CNTNAP5: variants seen among roughly 807,000 people sequenced by gnomAD.
The protein encoded by CNTNAP5 is contactin-associated protein-like 5.
CNTNAP5 carries 72 observed loss-of-function variants against 150.2 expected under a neutral mutation model. The ratio of observed to expected loss-of-function variants is 0.48; its 90% CI spans 0.40 to 0.58. CNTNAP5 has a LOEUF of 0.58. Among genes scored for constraint, CNTNAP5 ranks in the 20% least tolerant of loss-of-function variants. CNTNAP5 has a pLI of 0.00. For missense variants in CNTNAP5, 1,636 were observed against 1,626.2 expected (o/e 1.01, Z -0.10); for synonymous variants, 672 against 619.8 (o/e 1.08, Z -1.25).
chr2:124,847,258 T>C (rs886172316), intron 19 of CNTNAP5, among the ~76,000 whole-genome samples: 5 of 152,142 alleles, frequency 3.3e-5, no homozygotes, highest in Non-Finnish European at 7.4e-5. Flanking sequence ...CTTTCTGAGT[T>C]CAGCCTCTCT....
chr2:124,333,456 A>C (rs1165558331), intron 3 of CNTNAP5, among the ~76,000 whole-genome samples: 3 of 152,320 alleles, frequency 2.0e-5, no homozygotes, highest in African/African-American at 7.2e-5. Context: ...CAGAGAAAGA[A>C]CATAAGTTTT....
At chr2:124,609,497 G>A (rs1173201777) in intron 11 of CNTNAP5, among the ~76,000 whole-genome samples, 1 of 152,076 alleles carries the variant, frequency 6.6e-6, no homozygotes, top group Non-Finnish European at 1.5e-5. Context: ...GGAGACTGAA[G>A]TGGGAGATCA....
At chr2:124,090,394 T>C (rs1020725585) in intron 1 of CNTNAP5, among the ~76,000 whole-genome samples, 2 of 152,188 alleles carry the variant, frequency 1.3e-5, no homozygotes, top group African/African-American at 2.4e-5. Flanking sequence ...TGGGATTATA[T>C]TGATTACTTT....
At position 124,114,254 on chromosome 2, in the gene CNTNAP5, G is replaced by T. The variant is rs117098398; in HGVS notation, c.82+88522G>T. Among the ~76,000 whole-genome samples, 388 of 151,924 alleles carry T rather than the reference G, an allele frequency of 2.6e-3. 5 individuals carry two copies. The South Asian group carries it at 0.03, about 12-fold the overall frequency. On this transcript the variant is annotated intron_variant, in intron 1 of 23. Coordinates refer to ENST00000682447, the MANE Select transcript of CNTNAP5 (RefSeq NM_001367498.1). ...CATTAAGTCATGAATCAATGAAACT[G>T]GTCCATCTCTCTCTTCATTTATTTA...
chr2:124,361,912 C>T (rs1475274899), intron 3 of CNTNAP5, among the ~76,000 whole-genome samples: 4 of 151,948 alleles, frequency 2.6e-5, no homozygotes, highest in East Asian at 1.9e-4. Flanking sequence ...CCCAGCCTCG[C>T]TGCCGCCTTG....
At chr2:124,740,741 A>G (rs1680480477) in intron 13 of CNTNAP5, among the ~76,000 whole-genome samples, 1 of 152,192 alleles carries the variant, frequency 6.6e-6, no homozygotes, top group Admixed American at 6.5e-5. Flanking sequence ...GTGACATACA[A>G]CATGCAGTCC....
At chr2:124,173,155 G>C (rs1012662717) in intron 1 of CNTNAP5, among the ~76,000 whole-genome samples, 1 of 152,140 alleles carries the variant, frequency 6.6e-6, no homozygotes, top group Non-Finnish European at 1.5e-5. Flanking sequence ...AGTGTTGTGT[G>C]TTATGACTAC....
chr2:124,577,049 G>A lies in CNTNAP5; in HGVS notation c.1756+13726G>A, dbSNP rs142939110. Among the ~76,000 whole-genome samples the A allele has an allele frequency of 1.6e-3, 249 of 152,258 alleles. 1 individual carries two copies. Among genetic ancestry groups the A allele is most frequent in the African/African-American group, 5.7e-3 (237 of 41,558 alleles). On this transcript the variant is annotated intron_variant, in intron 11 of 23. Coordinates refer to ENST00000682447, the MANE Select transcript of CNTNAP5 (RefSeq NM_001367498.1). The stretch of plus-strand genomic sequence containing the variant: ...AGAAACGGACTGATAAATACCTCCT[G>A]TTATCACTGTAGTTCTCCAGTAGCT...
intron 3 of CNTNAP5, among the ~76,000 whole-genome samples, chr2:124,291,601 G>A (rs377061856): frequency 3.0e-4 from 46 of 151,658 alleles, no homozygotes; most frequent in African/African-American, 1.1e-3. Context: ...GTGATTGTCA[G>A]ACCTACAATT....
At chr2:124,614,149 G>T (rs1437556337) in intron 12 of CNTNAP5, among the ~76,000 whole-genome samples, 1 of 152,178 alleles carries the variant, frequency 6.6e-6, no homozygotes, top group Non-Finnish European at 1.5e-5. Context: ...TGAAAGTGCT[G>T]TAGTTTTAAT....
At chr2:124,686,505 C>G (rs775883208) in intron 13 of CNTNAP5, among the ~76,000 whole-genome samples, 1 of 151,998 alleles carries the variant, frequency 6.6e-6, no homozygotes, top group Non-Finnish European at 1.5e-5. Flanking sequence ...GACCTGGTAC[C>G]GGAGAGAGGG....
intron 1 of CNTNAP5, among the ~76,000 whole-genome samples, chr2:124,130,718 A>C (rs1229818414): frequency 3.9e-5 from 6 of 152,074 alleles, no homozygotes; most frequent in African/African-American, 1.4e-4. Context: ...AATTATTTCA[A>C]GGCTTATATA....
chr2:124,793,948 A>G (rs1681790665), intron 18 of CNTNAP5, among the ~76,000 whole-genome samples: 1 of 152,204 alleles, frequency 6.6e-6, no homozygotes. Flanking sequence ...AACCCAATCT[A>G]AGTACTCAAA....
chr2:124,784,650 G>A (rs1321854018), intron 17 of CNTNAP5, among the ~76,000 whole-genome samples: 1 of 152,216 alleles, frequency 6.6e-6, no homozygotes, highest in Non-Finnish European at 1.5e-5. Context: ...AAACATGTAA[G>A]AGGTAAGAGG....
intron 13 of CNTNAP5, among the ~76,000 whole-genome samples, chr2:124,679,086 G>A (rs927701737): frequency 1.3e-5 from 2 of 151,864 alleles, no homozygotes; most frequent in African/African-American, 4.8e-5. Flanking sequence ...TTATTAGAGG[G>A]ATGAATGGCC....
chr2:124,213,021 G>A (rs944107091), intron 1 of CNTNAP5, among the ~76,000 whole-genome samples: 1 of 151,746 alleles, frequency 6.6e-6, no homozygotes, highest in East Asian at 1.9e-4. Flanking sequence ...TGTATTTTTA[G>A]TAGAGACCGG....
chr2:124,759,965 T>A lies in CNTNAP5; in HGVS notation c.2235-3707T>A, dbSNP rs984234602. ...TTTTTTTTTTTTTTTTTTTTTTTTT[T>A]AAATCTGGAAGCCTTGAGAAAGAAA... On this transcript the variant is annotated intron_variant, in intron 14 of 23. Transcript: ENST00000682447. 4.6e-4 allele frequency among the ~76,000 whole-genome samples: 47 copies of A among 102,674 alleles called. 1 individual carries two copies. The highest frequency in any genetic ancestry group is 3.4e-3 in the East Asian group (8 of 2,376). 67.4% of individuals were successfully genotyped at this position (102,674 alleles called of 152,430 possible).
intron 21 of CNTNAP5, among the ~76,000 whole-genome samples, chr2:124,875,109 A>G (rs1677826731): frequency 6.6e-6 from 1 of 152,044 alleles, no homozygotes; most frequent in Non-Finnish European, 1.5e-5. Context: ...AGGGTTCTTT[A>G]ATTCTCCCCA....
intron 12 of CNTNAP5, among the ~76,000 whole-genome samples, chr2:124,629,445 C>G (rs1345626436): frequency 6.6e-6 from 1 of 152,168 alleles, no homozygotes; most frequent in Non-Finnish European, 1.5e-5. Flanking sequence ...ATTGAACAAC[C>G]TGCTCCTGAA....
Sources: gnomAD v4.1 joint callset for allele counts (sites outside exome capture counted in the v4.1 genomes callset) on GRCh38, gnomAD v4.1.1 for gene constraint, MANE v1.5 for transcripts, NCBI Gene and HGNC (gene_info 2026-07-23, HGNC 2026-07-21) for gene names.